NXPE2: variants seen among roughly 807,000 people sequenced by gnomAD.
The protein encoded by NXPE2 is NXPE family member 2.
A neutral mutation model predicts 34.4 loss-of-function variants in NXPE2; 34 were observed. The ratio of observed to expected loss-of-function variants is 0.99; its 90% CI spans 0.75 to 1.31. The LOEUF is 1.31. NXPE2 is among the 40% of genes most tolerant of loss of function. NXPE2 has a pLI of 0.00. For synonymous variants in NXPE2, 235 were observed against 231.3 expected (o/e 1.02, Z -0.15); for missense variants, 649 against 672.5 (o/e 0.97, Z 0.39).
chr11:114,612,265 T>C, the NXPE2 span, among the ~76,000 whole-genome samples: 11 of 150,272 alleles, frequency 7.3e-5, no homozygotes, highest in South Asian at 2.1e-3. Flanking sequence ...GTGTTGCCTC[T>C]TCAGTAACCA....
At chr11:114,578,460 G>A in the NXPE2 span, among the ~76,000 whole-genome samples, 1 of 152,178 alleles carries the variant, frequency 6.6e-6, no homozygotes, top group Non-Finnish European at 1.5e-5. Flanking sequence ...ACTAGACCCT[G>A]AATTTTGTAG....
At chr11:114,636,248 C>T in the NXPE2 span, among the ~76,000 whole-genome samples, 23 of 152,000 alleles carry the variant, frequency 1.5e-4, no homozygotes, top group Non-Finnish European at 3.1e-4. Context: ...AGTTTATTTG[C>T]GTAGAGGTGT....
the NXPE2 span, among the ~76,000 whole-genome samples, chr11:114,775,319 C>A: frequency 6.6e-6 from 1 of 152,270 alleles, no homozygotes; most frequent in East Asian, 1.9e-4. Flanking sequence ...CAAGGTGGGA[C>A]GAGGAGAGAA....
the NXPE2 span, among the ~76,000 whole-genome samples, chr11:114,538,301 T>C: frequency 1.3e-5 from 2 of 152,178 alleles, no homozygotes; most frequent in Non-Finnish European, 2.9e-5. Context: ...AAGACTTACA[T>C]GTTTGACCTA....
chr11:114,651,531 C>G, the NXPE2 span, among the ~76,000 whole-genome samples: 1 of 152,196 alleles, frequency 6.6e-6, no homozygotes, highest in Non-Finnish European at 1.5e-5. Context: ...GGAAGAGAAT[C>G]CGAAAAGATT....
At chr11:114,490,036 A>G in the NXPE2 span, among the ~76,000 whole-genome samples, 1 of 152,330 alleles carries the variant, frequency 6.6e-6, no homozygotes, top group Non-Finnish European at 1.5e-5. Context: ...ATGTGCAAAA[A>G]TCACGAGCAT....
the NXPE2 span, among the ~76,000 whole-genome samples, chr11:114,561,481 C>T: frequency 6.6e-6 from 1 of 152,198 alleles, no homozygotes; most frequent in Non-Finnish European, 1.5e-5. Flanking sequence ...CTACTCCTCA[C>T]TACTCAATTT....
At chr11:114,599,826 C>A in the NXPE2 span, among the ~76,000 whole-genome samples, 1 of 152,080 alleles carries the variant, frequency 6.6e-6, no homozygotes, top group African/African-American at 2.4e-5. Context: ...CCAATTACGT[C>A]CTACCAGGCC....
At chr11:114,485,287 C>T in the NXPE2 span, among the ~76,000 whole-genome samples, 2,407 of 151,816 alleles carry the variant, frequency 0.016, 39 homozygotes, top group South Asian at 0.061. Context: ...TGGCTCACTG[C>T]ATCCTCCACC....
chr11:114,674,728 G>T (rs1029712017), upstream of NXPE2, among the ~76,000 whole-genome samples: 9 of 151,694 alleles, frequency 5.9e-5, no homozygotes, highest in Non-Finnish European at 1.0e-4. Flanking sequence ...AAACATTAAA[G>T]AAGAAATAAT....
the NXPE2 span, among the ~76,000 whole-genome samples, chr11:114,488,189 G>T: frequency 6.6e-6 from 1 of 152,044 alleles, no homozygotes; most frequent in Non-Finnish European, 1.5e-5. Context: ...ACTTGTGATT[G>T]GCCTATTTAG....
the NXPE2 span, among the ~76,000 whole-genome samples, chr11:114,540,190 C>G: frequency 1.3e-5 from 2 of 152,186 alleles, no homozygotes; most frequent in African/African-American, 4.8e-5. Flanking sequence ...CTCCTGACCT[C>G]AAGTGATCTG....
At chr11:114,594,846 A>T in the NXPE2 span, 2 of 794,616 alleles carry the variant, frequency 2.5e-6, no homozygotes, top group Non-Finnish European at 4.1e-6. Flanking sequence ...GAAACATTTG[A>T]AATTTTTTTG....
At chr11:114,530,651 G>T in the NXPE2 span, 2 of 1,614,178 alleles carry the variant, frequency 1.2e-6, no homozygotes, top group Non-Finnish European at 1.7e-6. Context: ...CCAGTAGGAT[G>T]TCCAGCTGGT....
chr11:114,608,806 G>C, the NXPE2 span, among the ~76,000 whole-genome samples: 1 of 151,804 alleles, frequency 6.6e-6, no homozygotes, highest in Non-Finnish European at 1.5e-5. Context: ...AATAAGTGTT[G>C]CCTCGTGGGT....
the NXPE2 span, among the ~76,000 whole-genome samples, chr11:114,619,555 C>T: frequency 6.6e-6 from 1 of 151,400 alleles, no homozygotes; most frequent in African/African-American, 2.4e-5. Context: ...TGTGGGTAAC[C>T]ACTGTTACCT....
the NXPE2 span, among the ~76,000 whole-genome samples, chr11:114,662,684 G>A: frequency 1.3e-5 from 2 of 152,052 alleles, no homozygotes; most frequent in African/African-American, 2.4e-5. Context: ...TGAGGACTTT[G>A]TCTTCCATTT....
At chr11:114,553,850 C>T in the NXPE2 span, 3 of 957,858 alleles carry the variant, frequency 3.1e-6, no homozygotes, top group Non-Finnish European at 3.7e-6. Context: ...GTGACATCAT[C>T]TTGGTAGCTT....
the NXPE2 span, among the ~76,000 whole-genome samples, chr11:114,662,926 TGAGCCTATGA>T: frequency 3.9e-5 from 6 of 152,138 alleles, no homozygotes; most frequent in African/African-American, 1.4e-4. Flanking sequence ...GGGCCTTGGG[TGAGCCTATGA>T]GGCTTGCTCT....
Sources: allele counts gnomAD v4.1 joint callset (sites outside exome capture counted in the v4.1 genomes callset), GRCh38; gene constraint gnomAD v4.1.1; transcripts MANE v1.5; gene names NCBI Gene and HGNC (gene_info 2026-07-23, HGNC 2026-07-21).